The following ANKHD1 variants were observed in gnomAD, a reference collection of about 807,000 sequenced individuals.
ANKHD1 encodes the protein ankyrin repeat and KH domain containing 1, also known as ankyrin repeat and KH domain-containing protein 1.
ANKHD1 carries 31 observed loss-of-function variants against 230.5 expected under a neutral mutation model. That is an observed-to-expected ratio of 0.13 (90% confidence interval 0.10 to 0.18). The LOEUF (loss-of-function observed/expected upper bound fraction) is 0.18, where lower values mean the gene tolerates loss of function less well. Ranked by LOEUF, ANKHD1 falls within the 10% of genes least tolerant of loss-of-function variation. The probability of loss-of-function intolerance (pLI) is 1.00; values close to 1 mark genes in which losing one functional copy is unlikely to be tolerated. For missense variants in ANKHD1, 2,256 were observed against 3,071.3 expected (o/e 0.73, Z 6.27); for synonymous variants, 1,074 against 1,117.6 (o/e 0.96, Z 0.78).
At chr5:140,411,113 A>T (rs1171735477) in intron 1 of ANKHD1, among the ~76,000 whole-genome samples, 1 of 152,242 alleles carries the variant, frequency 6.6e-6, no homozygotes, top group Non-Finnish European at 1.5e-5. Context: ...TGGAGAAAAT[A>T]AGCAGGATGT....
chr5:140,479,720 A>G (rs1259066798), intron 10 of ANKHD1, among the ~76,000 whole-genome samples: 1 of 113,142 alleles, frequency 8.8e-6, no homozygotes, highest in Non-Finnish European at 1.9e-5. Flanking sequence ...TTCCCATTAT[A>G]TACATACATA....
chr5:140,459,324 C>T lies in ANKHD1; in HGVS notation c.1641C>T (p.His547=). The T allele has an allele frequency of 6.4e-7, 1 of 1,574,490 alleles. No individual in the cohort carries two copies. Among genetic ancestry groups the T allele is most frequent in the South Asian group, 1.2e-5 (1 of 85,862 alleles). Residue 547 remains histidine (H), a synonymous_variant, in exon 9 of 34, where the codon CAC becomes CAT. Coordinates refer to ENST00000360839, the MANE Select transcript of ANKHD1 (RefSeq NM_017747.3). The part of the protein sequence containing the change: ...TPLMEASQEG[H]LELVKYLLAS... Reference sequence around the variant, plus strand: ...TGATGGAGGCATCTCAGGAGGGACACCTGGAATTGGTTAAATATTTGCTGG... The same window carrying T: ...TGATGGAGGCATCTCAGGAGGGACATCTGGAATTGGTTAAATATTTGCTGG...
At chr5:140,429,111 T>G (rs1222695806) in intron 1 of ANKHD1, among the ~76,000 whole-genome samples, 1 of 142,550 alleles carries the variant, frequency 7.0e-6, no homozygotes, top group Non-Finnish European at 1.5e-5. Flanking sequence ...TTTTTTTTTG[T>G]GAGATGGAGT....
intron 7 of ANKHD1, among the ~76,000 whole-genome samples, chr5:140,457,301 C>T (rs1775272494): frequency 1.3e-5 from 2 of 152,196 alleles, no homozygotes; most frequent in Admixed American, 1.3e-4. Flanking sequence ...TGTGGCGATT[C>T]CTCAAGGATC....
At chr5:140,418,711 A>G (rs1455687848) in intron 1 of ANKHD1, among the ~76,000 whole-genome samples, 2 of 152,268 alleles carry the variant, frequency 1.3e-5, no homozygotes, top group Non-Finnish European at 2.9e-5. Context: ...GATTTCTACA[A>G]TATTGTAGCA....
Position 140,428,949 on chromosome 5 carries a change from A to AT in ANKHD1, c.307-7147dup, listed in dbSNP as rs59018469. Among the ~76,000 whole-genome samples, 13 of 150,700 alleles carry AT rather than the reference A, an allele frequency of 8.6e-5. No homozygotes were observed. In the East Asian group the frequency reaches 1.4e-3, roughly 16 times the overall value. On this transcript the variant is annotated intron_variant, in intron 1 of 33. Transcript: ENST00000360839. The stretch of plus-strand genomic sequence containing the variant: ...AGGCATGCACCATGAGGTCTGGCAA[A>AT]TTTTTTTTGTATTTTTAGTAGAGAC...
At chr5:140,482,261 A>T (rs1751313951) in intron 10 of ANKHD1, among the ~76,000 whole-genome samples, 2 of 152,124 alleles carry the variant, frequency 1.3e-5, no homozygotes, top group South Asian at 4.1e-4. Context: ...CACAATCCAG[A>T]TAAATAGTTG....
intron 22 of ANKHD1, among the ~76,000 whole-genome samples, chr5:140,511,512 T>C (rs1364328222): frequency 2.0e-5 from 3 of 152,206 alleles, no homozygotes; most frequent in Non-Finnish European, 1.5e-5. Context: ...TCCCTCTGTT[T>C]CTCTTTTATA....
chr5:140,427,084 T>A (rs1772492884), intron 1 of ANKHD1, among the ~76,000 whole-genome samples: 1 of 150,576 alleles, frequency 6.6e-6, no homozygotes, highest in Non-Finnish European at 1.5e-5. Flanking sequence ...CACTTCCCAG[T>A]AGGGGCAGCC....
intron 2 of ANKHD1, among the ~76,000 whole-genome samples, chr5:140,436,732 C>G (rs981396682): frequency 1.4e-5 from 2 of 145,060 alleles, no homozygotes; most frequent in Non-Finnish European, 3.0e-5. Flanking sequence ...GGCAACAGAG[C>G]GAGACTCCGT....
At chr5:140,465,553 T>A (rs1014015851) in intron 10 of ANKHD1, among the ~76,000 whole-genome samples, 4 of 152,206 alleles carry the variant, frequency 2.6e-5, no homozygotes, top group Non-Finnish European at 5.9e-5. Context: ...AACTTATGTG[T>A]GACATACATA....
At chr5:140,520,207 C>T (rs1337291685) in intron 24 of ANKHD1, among the ~76,000 whole-genome samples, 5 of 151,982 alleles carry the variant, frequency 3.3e-5, no homozygotes, top group East Asian at 1.9e-4. Context: ...ATCAGAGAAA[C>T]GCAAATCAAA....
chr5:140,420,336 C>T (rs919739981), intron 1 of ANKHD1, among the ~76,000 whole-genome samples: 7 of 151,950 alleles, frequency 4.6e-5, no homozygotes, highest in Non-Finnish European at 8.8e-5. Context: ...ATTTTGATGA[C>T]GCCCAATTTA....
intron 11 of ANKHD1, 121 bp downstream of exon 11, chr5:140,482,788 T>C (rs1415440311): frequency 9.7e-7 from 1 of 1,030,828 alleles, no homozygotes; most frequent in Non-Finnish European, 1.4e-6. Flanking sequence ...TTCTTGCCTT[T>C]TGTTATTATA....
chr5:140,445,667 T>G, intron 5 of ANKHD1, 75 bp from the exon 6 acceptor site: 1 of 1,263,802 alleles, frequency 7.9e-7, no homozygotes, highest in East Asian at 2.8e-5. Context: ...ATATTTCTTT[T>G]TAAATCTTTT....
intron 1 of ANKHD1, among the ~76,000 whole-genome samples, chr5:140,408,241 A>G (rs184118090): frequency 3.3e-5 from 5 of 152,302 alleles, no homozygotes; most frequent in Admixed American, 6.5e-5. Flanking sequence ...AACAATATAG[A>G]TAGTAGGTAT....
At chr5:140,419,756 C>G (rs1035685967) in intron 1 of ANKHD1, among the ~76,000 whole-genome samples, 1 of 150,762 alleles carries the variant, frequency 6.6e-6, no homozygotes, top group African/African-American at 2.4e-5. Context: ...CTTTTCTTTT[C>G]TCTTCTCTTT....
intron 10 of ANKHD1, among the ~76,000 whole-genome samples, chr5:140,468,477 C>T (rs1429802264): frequency 1.3e-5 from 2 of 152,116 alleles, no homozygotes; most frequent in East Asian, 3.9e-4. Flanking sequence ...AGTTCTTCTT[C>T]CTGGAACTTA....
Position 140,526,208 on chromosome 5 carries a change from G to C in ANKHD1, c.4705G>C (p.Ala1569Pro), listed in dbSNP as rs893694629. 4 of 1,613,992 alleles carry C rather than the reference G, an allele frequency of 2.5e-6. No individual in the cohort carries two copies. In the Admixed American group the frequency reaches 5.0e-5, roughly 20 times the overall value. Residue 1569 changes from alanine (A) to proline (P), a missense_variant, in exon 26 of 34, where the codon GCC (alanine) becomes CCC (proline). Around this residue, in one of 13 missense-constraint regions of ANKHD1, gnomAD observed 212 missense variants for 257.3 expected, o/e 0.82. Coordinates refer to ENST00000360839, the MANE Select transcript of ANKHD1 (RefSeq NM_017747.3). The part of the protein sequence containing the change: ...LILPEQHMSL[A>P]QQKADKNKIN... ...TTTACCAGAACAACATATGTCTTTA[G>C]CCCAACAAAAGGCAGATAAAAATAA...
Sources: gnomAD v4.1 joint callset for allele counts (sites outside exome capture counted in the v4.1 genomes callset) on GRCh38, gnomAD v4.1.1 for gene constraint, gnomAD v4.1.1 regional missense constraint, MANE v1.5 for transcripts, NCBI Gene and HGNC (gene_info 2026-07-23, HGNC 2026-07-21) for gene names.